PTPRM: variants seen among roughly 807,000 people sequenced by gnomAD.
The protein encoded by PTPRM is receptor-type tyrosine-protein phosphatase mu.
Under a neutral mutation model 186.7 loss-of-function variants are expected in PTPRM, and 47 were observed. That is an observed-to-expected ratio of 0.25 (90% confidence interval 0.20 to 0.32). PTPRM has a LOEUF of 0.32. Among genes scored for constraint, PTPRM ranks in the 10% least tolerant of loss-of-function variants. The probability of loss-of-function intolerance (pLI) is 1.00; values close to 1 mark genes in which losing one functional copy is unlikely to be tolerated. For synonymous variants in PTPRM, 668 were observed against 674.9 expected (o/e 0.99, Z 0.16); for missense variants, 1,494 against 1,865.0 (o/e 0.80, Z 3.66).
chr18:7,948,351 A>G (rs1157240535), intron 5 of PTPRM, among the ~76,000 whole-genome samples: 1 of 152,142 alleles, frequency 6.6e-6, no homozygotes, highest in Admixed American at 6.6e-5. Flanking sequence ...AGAGAGAACT[A>G]AAATCTCTAA....
chr18:8,209,767 G>A (rs908248127), intron 14 of PTPRM, among the ~76,000 whole-genome samples: 3 of 151,822 alleles, frequency 2.0e-5, no homozygotes, highest in African/African-American at 4.8e-5. Flanking sequence ...AGTGGGAGTC[G>A]AACAATGAGA....
chr18:7,706,364 AGATGGGAG>A (rs2040088529), intron 1 of PTPRM, among the ~76,000 whole-genome samples: 1 of 152,006 alleles, frequency 6.6e-6, no homozygotes, highest in South Asian at 2.1e-4. Flanking sequence ...TTGGGAGCCA[AGATGGGAG>A]GATCACTTGA....
At chr18:7,643,115 C>G (rs1039232731) in intron 1 of PTPRM, among the ~76,000 whole-genome samples, 1 of 151,938 alleles carries the variant, frequency 6.6e-6, no homozygotes, top group African/African-American at 2.4e-5. Flanking sequence ...ACATAAGATT[C>G]TTTTGTGAAA....
chr18:7,588,841 G>A lies in PTPRM; in HGVS notation c.73+20950G>A, dbSNP rs149491589. 1.3e-4 allele frequency among the ~76,000 whole-genome samples: 20 copies of A among 152,244 alleles called. No homozygotes were observed. The East Asian group carries it at 3.9e-3, about 29-fold the overall frequency. On this transcript the variant is annotated intron_variant, in intron 1 of 32. Transcript: ENST00000580170. ...TATCTAATTTTATAACACCTCACAG[G>A]GAGGAAAACCCTCAATCTCTAGTAC...
At chr18:7,753,938 CT>C (rs1206908756) in intron 1 of PTPRM, among the ~76,000 whole-genome samples, 1 of 152,088 alleles carries the variant, frequency 6.6e-6, no homozygotes, top group Non-Finnish European at 1.5e-5. Flanking sequence ...CCCTTCTCCA[CT>C]TTTGACCCAT....
intron 1 of PTPRM, among the ~76,000 whole-genome samples, chr18:7,725,930 A>T (rs912329574): frequency 6.6e-6 from 1 of 152,206 alleles, no homozygotes; most frequent in African/African-American, 2.4e-5. Flanking sequence ...CACTTAAGCC[A>T]TCCACAGACA....
At chr18:7,982,011 G>A (rs1022209474) in intron 7 of PTPRM, among the ~76,000 whole-genome samples, 10 of 152,138 alleles carry the variant, frequency 6.6e-5, no homozygotes, top group African/African-American at 2.4e-4. Context: ...GAATATGAAG[G>A]CCTAGGACAT....
intron 1 of PTPRM, among the ~76,000 whole-genome samples, chr18:7,761,144 G>C (rs1200613411): frequency 6.6e-6 from 1 of 152,172 alleles, no homozygotes; most frequent in Non-Finnish European, 1.5e-5. Context: ...CATGGAAAAG[G>C]ATGGGAAGGA....
At chr18:8,170,372 C>A (rs914509018) in intron 14 of PTPRM, among the ~76,000 whole-genome samples, 1 of 152,092 alleles carries the variant, frequency 6.6e-6, no homozygotes, top group African/African-American at 2.4e-5. Flanking sequence ...CAGTTACAGT[C>A]CTTGCTCCTT....
intron 22 of PTPRM, 125 bp from the exon 23 acceptor site, chr18:8,343,298 C>A: frequency 4.7e-6 from 3 of 644,162 alleles, no homozygotes; most frequent in South Asian, 2.3e-5. Context: ...CACTAGAGAC[C>A]TGTGTCCATC....
At chr18:8,037,754 G>A (rs2086424455) in intron 7 of PTPRM, among the ~76,000 whole-genome samples, 1 of 151,876 alleles carries the variant, frequency 6.6e-6, no homozygotes, top group Middle Eastern at 3.4e-3. Context: ...AGTGTGGATT[G>A]GGTGGTAGAA....
rs2090567698 is a variant in PTPRM, at chr18:8,088,857, G to C, written c.1856+6G>C. On this transcript the variant is annotated splice_donor_region_variant and intron_variant, in intron 11 of 32. Coordinates refer to ENST00000580170, the MANE Select transcript of PTPRM (RefSeq NM_001105244.2). ...AGCAGAGGAGCACCTGTCAGGTATG[G>C]AACAGAGGGTTGGGCCGGCTCTAGA... 1 of 1,593,048 alleles carries C rather than the reference G, an allele frequency of 6.3e-7. No individual in the cohort carries two copies. Among genetic ancestry groups the C allele is most frequent in the African/African-American group, 1.3e-5 (1 of 74,460 alleles).
At chr18:8,385,482 G>A (rs1235654096) in intron 30 of PTPRM, among the ~76,000 whole-genome samples, 1 of 152,194 alleles carries the variant, frequency 6.6e-6, no homozygotes, top group African/African-American at 2.4e-5. Flanking sequence ...GGAGTCCAGG[G>A]AGCACCGAGG....
At chr18:8,025,257 T>G (rs1568206147) in intron 7 of PTPRM, among the ~76,000 whole-genome samples, 1 of 152,192 alleles carries the variant, frequency 6.6e-6, no homozygotes, top group Non-Finnish European at 1.5e-5. Context: ...AAAGTGGTAC[T>G]TTGGTCTACA....
chr18:7,905,864 G>A (rs2049953216), intron 3 of PTPRM, among the ~76,000 whole-genome samples: 1 of 152,146 alleles, frequency 6.6e-6, no homozygotes, highest in African/African-American at 2.4e-5. Flanking sequence ...AGTGTGGTCA[G>A]AGAGTTACTT....
chr18:7,844,568 G>A (rs2046501236), intron 2 of PTPRM, among the ~76,000 whole-genome samples: 2 of 152,146 alleles, frequency 1.3e-5, no homozygotes, highest in South Asian at 2.1e-4. Context: ...GCATGCACGA[G>A]TCACTGGTTC....
chr18:7,986,888 G>C (rs1355829849), intron 7 of PTPRM, among the ~76,000 whole-genome samples: 1 of 152,146 alleles, frequency 6.6e-6, no homozygotes, highest in Non-Finnish European at 1.5e-5. Context: ...TTTGTAAGAA[G>C]AGGAGATTAG....
Position 7,668,447 on chromosome 18 carries a change from C to G in PTPRM, c.73+100556C>G, listed in dbSNP as rs1438380503. ...GTTTTACACATTTTTGTTGGATATT[C>G]CCTGCTTGGCCCCTTGACTCCTAGA... On this transcript the variant is annotated intron_variant, in intron 1 of 32. Coordinates refer to ENST00000580170, the MANE Select transcript of PTPRM (RefSeq NM_001105244.2). This position sits in a 1 kb window ranked among gnomAD's most constrained non-coding sequence, Gnocchi z 4.7. Among the ~76,000 whole-genome samples, 1 of 152,202 alleles carries G rather than the reference C, an allele frequency of 6.6e-6. No homozygotes were observed. The highest frequency in any genetic ancestry group is 1.5e-5 in the Non-Finnish European group (1 of 68,040).
intron 11 of PTPRM, among the ~76,000 whole-genome samples, chr18:8,101,293 C>G (rs1187094332): frequency 6.6e-6 from 1 of 152,124 alleles, no homozygotes; most frequent in Non-Finnish European, 1.5e-5. Context: ...GACCTGTAAG[C>G]AAAGCAGTCA....
Sources: allele counts gnomAD v4.1 joint callset (sites outside exome capture counted in the v4.1 genomes callset), GRCh38; gene constraint gnomAD v4.1.1; non-coding constraint Gnocchi (gnomAD v3.1); transcripts MANE v1.5; gene names NCBI Gene and HGNC (gene_info 2026-07-23, HGNC 2026-07-21).